PNPLA7: variants seen among roughly 807,000 people sequenced by gnomAD.
PNPLA7 encodes the protein patatin like domain 7, lysophospholipase, also known as patatin-like phospholipase domain-containing protein 7.
A neutral mutation model predicts 161.7 loss-of-function variants in PNPLA7; 153 were observed. The observed-to-expected ratio is 0.95, with a 90% confidence interval of 0.83 to 1.08. PNPLA7 has a LOEUF of 1.08. PNPLA7 is among the 50% of genes least tolerant of loss of function. The probability of loss-of-function intolerance (pLI) is 0.00; values close to 1 mark genes in which losing one functional copy is unlikely to be tolerated. For synonymous variants in PNPLA7, 809 were observed against 782.1 expected, an observed-to-expected ratio of 1.03 and a Z score of -0.57; for missense variants, 1,739 against 1,856.6, an observed-to-expected ratio of 0.94 and a Z score of 1.16.
At chr9:137,474,121 C>T (rs1025765952) in intron 25 of PNPLA7, among the ~76,000 whole-genome samples, 13 of 152,012 alleles carry the variant, frequency 8.6e-5, no homozygotes, top group African/African-American at 3.1e-4. Flanking sequence ...TGCCTGTAAC[C>T]CCAGCTACTG....
At chr9:137,535,984 C>G (rs1252079943) in intron 8 of PNPLA7, among the ~76,000 whole-genome samples, 1 of 151,516 alleles carries the variant, frequency 6.6e-6, no homozygotes, top group African/African-American at 2.4e-5. Flanking sequence ...AACCCCGTCT[C>G]TACTAAAAAA....
chr9:137,528,913 G>A (rs1369664927), intron 8 of PNPLA7, among the ~76,000 whole-genome samples: 5 of 151,146 alleles, frequency 3.3e-5, no homozygotes, highest in African/African-American at 1.2e-4. Flanking sequence ...CGTTAGCCAG[G>A]ATGGTCTCGA....
In PNPLA7 at chr9:137,541,082, T is replaced by C. The variant is rs1321045287; in HGVS notation, c.667-360A>G. Among the ~76,000 whole-genome samples the C allele has an allele frequency of 1.3e-5, 2 of 152,204 alleles. No individual in the cohort carries two copies. Among genetic ancestry groups the C allele is most frequent in the African/African-American group, 4.8e-5 (2 of 41,456 alleles). The stretch of plus-strand genomic sequence containing the variant: ...ATTACCAGCCTAAATTCCAGAACTT[T>C]GATATAATTTTCCATTAGGTAAAAA... On this transcript the variant is annotated intron_variant, in intron 7 of 34. Transcript: ENST00000406427. The surrounding 1 kb of genome is among the most constrained non-coding windows in gnomAD (Gnocchi z 4.4).
chr9:137,518,872 A>G (rs1423865925), intron 11 of PNPLA7, among the ~76,000 whole-genome samples: 1 of 71,694 alleles, frequency 1.4e-5, no homozygotes, highest in Non-Finnish European at 2.5e-5. Context: ...ACTTCACTCT[A>G]CTCACTCCAT....
intron 9 of PNPLA7, 101 bp from the exon 10 acceptor site, chr9:137,521,817 G>C (rs1041158296): frequency 1.0e-6 from 1 of 974,652 alleles, no homozygotes; most frequent in Admixed American, 2.7e-5. Flanking sequence ...CCCAAACCCT[G>C]CAGATGCCAC....
At chr9:137,506,289 C>T (rs537669705) in intron 12 of PNPLA7, among the ~76,000 whole-genome samples, 45 of 152,312 alleles carry the variant, frequency 3.0e-4, no homozygotes, top group African/African-American at 9.9e-4. Flanking sequence ...AGGTTTTCTC[C>T]GCAGCTTAAA....
chr9:137,484,499 T>C (rs922586279), intron 21 of PNPLA7, 88 bp downstream of exon 21: 17 of 1,405,492 alleles, frequency 1.2e-5, no homozygotes, highest in Non-Finnish European at 1.6e-5. Flanking sequence ...CACCGCCGCG[T>C]CCCCTCGAAG....
chr9:137,484,821 A>G (rs960379651), intron 20 of PNPLA7, 85 bp from the exon 21 acceptor site: 12 of 1,446,766 alleles, frequency 8.3e-6, no homozygotes, highest in Non-Finnish European at 1.1e-5. Context: ...CCGAGGCTGC[A>G]CAGGAGCAAC....
intron 13 of PNPLA7, 78 bp from the exon 14 acceptor site, chr9:137,505,838 A>C: frequency 6.3e-7 from 1 of 1,579,850 alleles, no homozygotes; most frequent in Non-Finnish European, 8.7e-7. Flanking sequence ...TCAGGTCTGA[A>C]TCGCACAGTG....
rs1184907364 is a variant in PNPLA7, at chr9:137,463,341, T to C, written c.3343+74A>G. ...CCAGGCTTCTTGGAGCGGAGGCAGC[T>C]GTGGCAGGGGCCGTGGGGCGGCGTG... is the stretch of plus-strand genomic sequence containing the variant. On this transcript the variant is annotated intron_variant, in intron 29 of 34. Coordinates refer to ENST00000406427, the MANE Select transcript of PNPLA7 (RefSeq NM_001098537.3). 3.0e-6 allele frequency: 4 copies of C among 1,317,514 alleles called. No homozygotes were observed. The Admixed American group carries it at 8.1e-5, about 27-fold the overall frequency. The allele number at this position is 1,317,514 out of a possible 1,614,324, so 81.6% of individuals were successfully genotyped here. A position where few individuals can be genotyped will look rare whatever the true frequency, so the allele number is the denominator to read the frequency against.
chr9:137,462,373 T>A, intron 30 of PNPLA7, 42 bp from the exon 31 acceptor site: 1 of 1,560,216 alleles, frequency 6.4e-7, no homozygotes. Context: ...CCCCGGCCCC[T>A]ACCCCGTCCC....
At position 137,500,645 on chromosome 9, in the gene PNPLA7, A is replaced by AG. The variant is rs769741175; in HGVS notation, c.1757+45dup. 29 of 1,558,450 alleles carry AG rather than the reference A, an allele frequency of 1.9e-5. 1 individual carries two copies. The Admixed American group carries it at 2.5e-4, about 13-fold the overall frequency. On this transcript the variant is annotated intron_variant, in intron 16 of 34. Transcript: ENST00000406427. This position sits in a 1 kb window ranked among gnomAD's most constrained non-coding sequence, Gnocchi z 5.5. ...GCCACGCGGGGAGGGGTCTCAGGGC[A>AG]GGGGGGGCTGGGGCCCGCCCTGAGG...
chr9:137,507,990 C>G (rs1448026841), intron 12 of PNPLA7, among the ~76,000 whole-genome samples: 1 of 152,074 alleles, frequency 6.6e-6, no homozygotes, highest in South Asian at 2.1e-4. Context: ...GCCAGGAATT[C>G]AAGACCAGCC....
chr9:137,481,113 C>T (rs764012719), intron 21 of PNPLA7, 90 bp from the exon 22 acceptor site: 16 of 1,403,926 alleles, frequency 1.1e-5, no homozygotes, highest in African/African-American at 8.6e-5. Flanking sequence ...GTACCGACGC[C>T]GAGCCAGGCA....
At chr9:137,492,701 A>G (rs1302181455) in intron 20 of PNPLA7, among the ~76,000 whole-genome samples, 2 of 93,410 alleles carry the variant, frequency 2.1e-5, no homozygotes, top group East Asian at 6.8e-4. Flanking sequence ...GGGTGGGGCC[A>G]TGGGCTGGGT....
At position 137,492,377 on chromosome 9, in the gene PNPLA7, G is replaced by A. The variant is rs149865530; in HGVS notation, c.2197+636C>T. The A allele has an allele frequency of 2.1e-4, 202 of 973,266 alleles. No individual in the cohort carries two copies. The African/African-American group carries it at 3.3e-3, about 16-fold the overall frequency. The allele number at this position is 973,266 out of a possible 1,614,324, so 60.3% of individuals were successfully genotyped here. ...ATCACATTTCATCTTTTCACATATA[G>A]CAGAGCTTTCCTCCAGTGCTGCCCA... On this transcript the variant is annotated intron_variant, in intron 20 of 34. Transcript: ENST00000406427.
intron 12 of PNPLA7, chr9:137,509,383 C>T (rs35605405): frequency 0.73 from 125,979 of 172,710 alleles, 45,484 homozygotes; most frequent in East Asian, 0.87. Context: ...TGAGTTTAGC[C>T]GGTATGAGTG....
chr9:137,541,535 G>T lies in PNPLA7; in HGVS notation c.667-813C>A. On this transcript the variant is annotated intron_variant, in intron 7 of 34. Coordinates refer to ENST00000406427, the MANE Select transcript of PNPLA7 (RefSeq NM_001098537.3). The surrounding 1 kb of genome is among the most constrained non-coding windows in gnomAD (Gnocchi z 4.4). The stretch of plus-strand genomic sequence containing the variant: ...GACCACAGCTGGCAGGAGCCCTGCA[G>T]GTCAGGGTGATGATCACACAAAGCC... 1.0e-6 allele frequency: 1 copy of T among 978,468 alleles called. No homozygotes were observed. The highest frequency in any genetic ancestry group is 1.7e-5 in the African/African-American group (1 of 57,234). The allele number at this position is 978,468 out of a possible 1,614,324, so 60.6% of individuals were successfully genotyped here.
intron 12 of PNPLA7, among the ~76,000 whole-genome samples, chr9:137,512,094 T>C (rs1444208918): frequency 6.6e-6 from 1 of 152,188 alleles, no homozygotes; most frequent in African/African-American, 2.4e-5. Context: ...TATCTCTTAG[T>C]CTCGTGTCTT....
Sources: allele counts gnomAD v4.1 joint callset (sites outside exome capture counted in the v4.1 genomes callset), GRCh38; gene constraint gnomAD v4.1.1; non-coding constraint Gnocchi (gnomAD v3.1); transcripts MANE v1.5; gene names NCBI Gene and HGNC (gene_info 2026-07-23, HGNC 2026-07-21).